Variants in ALDH5A1 observed in about 807,000 individuals in gnomAD.
ALDH5A1 encodes aldehyde dehydrogenase 5 family member A1, also known as succinate-semialdehyde dehydrogenase, mitochondrial.
Under a neutral mutation model 54.7 loss-of-function variants are expected in ALDH5A1, and 33 were observed. The ratio of observed to expected loss-of-function variants is 0.60; its 90% CI spans 0.46 to 0.81. The LOEUF is 0.81. Ranked by LOEUF, ALDH5A1 falls within the 30% of genes least tolerant of loss-of-function variation. ALDH5A1 has a pLI of 0.00. For synonymous variants in ALDH5A1, 294 were observed against 292.7 expected (o/e 1.00, Z -0.05); for missense variants, 657 against 711.0 (o/e 0.92, Z 0.86).
In ALDH5A1 at chr6:24,536,458, G is replaced by A. The variant is rs1390655450; in HGVS notation, c.*2746G>A. 2 of 152,220 alleles carry A rather than the reference G, an allele frequency of 1.3e-5. No homozygotes were observed. Among genetic ancestry groups the A allele is most frequent in the Non-Finnish European group, 2.9e-5 (2 of 68,048 alleles). The allele number at this position is 152,220 out of a possible 1,614,324, so 9.4% of individuals were successfully genotyped here. A position where few individuals can be genotyped will look rare whatever the true frequency, so the allele number is the denominator to read the frequency against. On this transcript the variant is annotated 3_prime_UTR_variant, in exon 10 of 10. Coordinates refer to ENST00000357578, the MANE Select transcript of ALDH5A1 (RefSeq NM_001080.3). ...TTGGCAGAGTTGAATAGTTGGGACAGGGACAGTATAGCCTGCAAAGCCTAA... is the reference window on the plus strand; with the variant it reads ...TTGGCAGAGTTGAATAGTTGGGACAAGGACAGTATAGCCTGCAAAGCCTAA...
At chr6:24,508,398 TCTCTAATC>T (rs147562626) in intron 4 of ALDH5A1, among the ~76,000 whole-genome samples, 91,857 of 115,290 alleles carry the variant, frequency 0.8, 37,755 homozygotes, top group Non-Finnish European at 0.87. Flanking sequence ...AGATTAATAG[TCTCTAATC>T]CTCTAATCTC....
intron 4 of ALDH5A1, among the ~76,000 whole-genome samples, chr6:24,513,095 TGAGAC>T (rs1321582907): frequency 1.3e-5 from 2 of 151,744 alleles, no homozygotes; most frequent in African/African-American, 2.4e-5. Flanking sequence ...TTTTTTTTCT[TGAGAC>T]AGAGGCTGGA....
chr6:24,528,424 G>A (rs903591558), intron 8 of ALDH5A1, among the ~76,000 whole-genome samples: 2 of 151,790 alleles, frequency 1.3e-5, no homozygotes, highest in African/African-American at 4.8e-5. Context: ...GTGCAATGGT[G>A]CGATCTTGGC....
Position 24,510,361 on chromosome 6 carries a change from C to T in ALDH5A1, c.727-4806C>T, listed in dbSNP as rs565370365. ...TTTAAATCTAGTGTTTCTTTGTTAA[C>T]TTTCTGTCTTGATGACCTGTCTAGT... On this transcript the variant is annotated intron_variant, in intron 4 of 9. Transcript: ENST00000357578. Among the ~76,000 whole-genome samples the T allele has an allele frequency of 1.1e-4, 17 of 152,126 alleles. No homozygotes were observed. The South Asian group carries it at 2.1e-3, about 19-fold the overall frequency.
rs1322543438 is a variant in ALDH5A1 at position 24,511,908 on chromosome 6, G to C, written c.727-3259G>C. 5.1e-6 allele frequency: 3 copies of C among 582,792 alleles called. No individual in the cohort carries two copies. The African/African-American group carries it at 5.7e-5, about 11-fold the overall frequency. 36.1% of individuals were successfully genotyped at this position (582,792 alleles called of 1,614,324 possible). ...TTTTTGGGGGGTGTTAAAGAATCTT[G>C]TTTTTTCATATTATCAGAGTTGGCT... On this transcript the variant is annotated intron_variant, in intron 4 of 9. Coordinates refer to ENST00000357578, the MANE Select transcript of ALDH5A1 (RefSeq NM_001080.3).
At chr6:24,529,670 GT>G (rs55878931) in intron 8 of ALDH5A1, among the ~76,000 whole-genome samples, 1,039 of 86,312 alleles carry the variant, frequency 0.012, 5 homozygotes, top group African/African-American at 0.04. Flanking sequence ...TTTGGTTTGG[GT>G]TTTTTTTTTT....
At chr6:24,504,506 T>C (rs190965231) in intron 3 of ALDH5A1, among the ~76,000 whole-genome samples, 1 of 152,252 alleles carries the variant, frequency 6.6e-6, no homozygotes, top group Non-Finnish European at 1.5e-5. Context: ...ATACACCTAC[T>C]ATCTGTGGCT....
At chr6:24,523,150 T>C (rs1759735487) in intron 7 of ALDH5A1, among the ~76,000 whole-genome samples, 1 of 151,700 alleles carries the variant, frequency 6.6e-6, no homozygotes, top group African/African-American at 2.4e-5. Context: ...ATTAGAAGAG[T>C]AGATTTTGAA....
chr6:24,536,730 A>G lies in ALDH5A1; in HGVS notation c.*3018A>G, dbSNP rs1310999766. 2 of 152,288 alleles carry G rather than the reference A, an allele frequency of 1.3e-5. No homozygotes were observed. Among genetic ancestry groups the G allele is most frequent in the African/African-American group, 2.4e-5 (1 of 41,450 alleles). The allele number at this position is 152,288 out of a possible 1,614,324, so 9.4% of individuals were successfully genotyped here. Reference sequence around the variant, plus strand: ...AAACAATTATCCTTGAACTTCCTCCAGCTATGCAGGGATTCTCATTAAAGA... The same window carrying G: ...AAACAATTATCCTTGAACTTCCTCCGGCTATGCAGGGATTCTCATTAAAGA... On this transcript the variant is annotated 3_prime_UTR_variant, in exon 10 of 10. Coordinates refer to ENST00000357578, the MANE Select transcript of ALDH5A1 (RefSeq NM_001080.3).
intron 1 of ALDH5A1, among the ~76,000 whole-genome samples, chr6:24,500,179 C>A (rs974909544): frequency 6.6e-6 from 1 of 152,166 alleles, no homozygotes; most frequent in African/African-American, 2.4e-5. Flanking sequence ...TAAATTATGG[C>A]AAAATATGCA....
intron 1 of ALDH5A1, among the ~76,000 whole-genome samples, chr6:24,500,053 C>A (rs1021858465): frequency 2.6e-5 from 4 of 152,158 alleles, no homozygotes; most frequent in Non-Finnish European, 5.9e-5. Flanking sequence ...AGCAACCCTC[C>A]CTCCTTGGCC....
chr6:24,498,934 A>C (rs1311994851), intron 1 of ALDH5A1, among the ~76,000 whole-genome samples: 1 of 151,904 alleles, frequency 6.6e-6, no homozygotes, highest in Non-Finnish European at 1.5e-5. Flanking sequence ...CCCCATCTCT[A>C]CTAAAAAATA....
intron 8 of ALDH5A1, among the ~76,000 whole-genome samples, chr6:24,529,052 T>C (rs990317613): frequency 6.6e-6 from 1 of 152,210 alleles, no homozygotes; most frequent in African/African-American, 2.4e-5. Flanking sequence ...ATGAACTTTC[T>C]GTGTCGTTTT....
At chr6:24,524,283 C>A (rs1759760595) in intron 7 of ALDH5A1, among the ~76,000 whole-genome samples, 1 of 152,090 alleles carries the variant, frequency 6.6e-6, no homozygotes, top group South Asian at 2.1e-4. Context: ...CCATGCCTAC[C>A]CAGAAATGGT....
chr6:24,527,115 T>C (rs1449386339), intron 7 of ALDH5A1, among the ~76,000 whole-genome samples: 2 of 150,328 alleles, frequency 1.3e-5, no homozygotes, highest in African/African-American at 4.9e-5. Context: ...TGGCTCAAAC[T>C]TCCTCAGCAA....
At chr6:24,498,107 A>T (rs1407116370) in intron 1 of ALDH5A1, among the ~76,000 whole-genome samples, 2 of 152,192 alleles carry the variant, frequency 1.3e-5, no homozygotes, top group Non-Finnish European at 2.9e-5. Flanking sequence ...TGATGACTCC[A>T]GGGCTTTTGG....
Position 24,515,195 on chromosome 6 carries a change from G to T in ALDH5A1, c.755G>T (p.Gly252Val). ...GCAAGCCAGGCTGGGATTCCTTCAG[G>T]TGTATACAATGTTATTCCCTGTTCT... ...ELASQAGIPS[G>V]VYNVIPCSRK... The change falls in exon 5 of 10, where the codon GGT (glycine) becomes GTT (valine). Residue 252 changes from glycine to valine, a missense_variant. Physicochemically the swap from Gly to Val is moderately radical, Grantham distance 109 (BLOSUM62 -3). Around this residue, in one of 2 missense-constraint regions of ALDH5A1, gnomAD observed 425 missense variants for 516.4 expected, o/e 0.82. Transcript: ENST00000357578. 6.2e-7 allele frequency: 1 copy of T among 1,610,892 alleles called. No individual in the cohort carries two copies. Among genetic ancestry groups the T allele is most frequent in the Non-Finnish European group, 8.5e-7 (1 of 1,179,318 alleles).
chr6:24,497,807 T>C (rs541850286), intron 1 of ALDH5A1, among the ~76,000 whole-genome samples: 1 of 152,266 alleles, frequency 6.6e-6, no homozygotes, highest in African/African-American at 2.4e-5. Flanking sequence ...GTTTTTACTT[T>C]GAGTAAAGAG....
intron 8 of ALDH5A1, 92 bp downstream of exon 8, chr6:24,528,258 G>A: frequency 6.8e-7 from 1 of 1,476,936 alleles, no homozygotes; most frequent in South Asian, 1.2e-5. Context: ...TTTGAGGTCT[G>A]GCCAGGAGGC....
Sources: allele counts gnomAD v4.1 joint callset (sites outside exome capture counted in the v4.1 genomes callset), GRCh38; gene constraint gnomAD v4.1.1; regional missense constraint gnomAD v4.1.1; transcripts MANE v1.5; gene names NCBI Gene and HGNC (gene_info 2026-07-23, HGNC 2026-07-21).